Variants in ANKRD44 observed in about 807,000 individuals in gnomAD.
ANKRD44 encodes serine/threonine-protein phosphatase 6 regulatory ankyrin repeat subunit B.
In ANKRD44, 35 loss-of-function variants were observed where a neutral mutation model predicts 116.0. The observed-to-expected ratio is 0.30, with a 90% CI of 0.23 to 0.40. The LOEUF is 0.40. ANKRD44 is among the 10% of genes least tolerant of loss of function. The pLI is 1.00. For missense variants in ANKRD44, 1,014 were observed against 1,242.6 expected (o/e 0.82, Z 2.77); for synonymous variants, 435 against 461.8 (o/e 0.94, Z 0.74).
intron 4 of ANKRD44, among the ~76,000 whole-genome samples, chr2:197,126,481 C>T (rs1355590857): frequency 3.3e-5 from 5 of 152,208 alleles, no homozygotes; most frequent in South Asian, 2.1e-4. Context: ...GTGGTCAAGA[C>T]GGGAAGTAAC....
chr2:197,226,048 A>G (rs2081704331), intron 1 of ANKRD44, among the ~76,000 whole-genome samples: 1 of 152,232 alleles, frequency 6.6e-6, no homozygotes, highest in African/African-American at 2.4e-5. Context: ...TTACAAATCA[A>G]TGGCATAGCT....
In ANKRD44 at chr2:197,094,001, A is replaced by G. The variant is rs138974631; in HGVS notation, c.1101-3969T>C. ...ATTAGCTAGTTCTAATTTAGCTGTTAGTTGGCATCTCCTACCCAGTTATTT... is the reference window on the plus strand; with the variant it reads ...ATTAGCTAGTTCTAATTTAGCTGTTGGTTGGCATCTCCTACCCAGTTATTT... On this transcript the variant is annotated intron_variant, in intron 10 of 27. Coordinates refer to ENST00000282272, the MANE Select transcript of ANKRD44 (RefSeq NM_001195144.2). Among the ~76,000 whole-genome samples, 379 of 152,344 alleles carry G rather than the reference A, an allele frequency of 2.5e-3. 1 individual carries two copies. Among genetic ancestry groups the G allele is most frequent in the East Asian group, 0.016 (85 of 5,186 alleles).
chr2:196,980,159 T>C (rs369346426), intron 21 of ANKRD44, among the ~76,000 whole-genome samples: 87 of 152,356 alleles, frequency 5.7e-4, no homozygotes, highest in African/African-American at 1.3e-3. Context: ...AGCACCCAGA[T>C]GGCACCAACC....
chr2:197,044,408 C>A (rs2076964661), intron 16 of ANKRD44, among the ~76,000 whole-genome samples: 1 of 152,004 alleles, frequency 6.6e-6, no homozygotes, highest in African/African-American at 2.4e-5. Context: ...ATTCTGTTGC[C>A]CAGGCTGGAG....
At chr2:197,302,136 G>C (rs1226635133) in intron 1 of ANKRD44, 1 of 153,298 alleles carries the variant, frequency 6.5e-6, no homozygotes, top group Non-Finnish European at 1.5e-5. Flanking sequence ...AGTGGGGCTG[G>C]AGCCAAGGAG....
At chr2:196,995,211 T>C in intron 26 of ANKRD44, 168 bp downstream of exon 26, 1 of 394,842 alleles carries the variant, frequency 2.5e-6, no homozygotes. Context: ...CCCAGCTTGG[T>C]CAGCACTTGT....
At chr2:197,270,708 A>G (rs1372611989) in intron 1 of ANKRD44, among the ~76,000 whole-genome samples, 1 of 152,232 alleles carries the variant, frequency 6.6e-6, no homozygotes, top group Admixed American at 6.5e-5. Context: ...GGAGAGCTGG[A>G]GACGAGGAAG....
chr2:197,225,698 C>T (rs947567471), intron 1 of ANKRD44, among the ~76,000 whole-genome samples: 4 of 151,952 alleles, frequency 2.6e-5, no homozygotes, highest in African/African-American at 9.7e-5. Flanking sequence ...ATCTGATTCC[C>T]AAGGAAGAAT....
chr2:197,280,163 G>C (rs1358169369), intron 1 of ANKRD44, among the ~76,000 whole-genome samples: 1 of 152,208 alleles, frequency 6.6e-6, no homozygotes, highest in African/African-American at 2.4e-5. Context: ...ATCCTAAGAG[G>C]TGATTGCAAG....
At chr2:197,121,115 G>A (rs989550444) in intron 8 of ANKRD44, among the ~76,000 whole-genome samples, 5 of 151,964 alleles carry the variant, frequency 3.3e-5, no homozygotes, top group Non-Finnish European at 5.9e-5. Context: ...TTTTAGTAGA[G>A]ATGGTGTTTC....
chr2:197,016,698 A>G (rs2076398333), intron 17 of ANKRD44, among the ~76,000 whole-genome samples: 1 of 152,210 alleles, frequency 6.6e-6, no homozygotes, highest in Non-Finnish European at 1.5e-5. Context: ...TGAATTTAAT[A>G]GCATTAAGAT....
chr2:197,110,899 C>T, intron 8 of ANKRD44, 55 bp from the exon 9 acceptor site: 1 of 1,300,150 alleles, frequency 7.7e-7, no homozygotes, highest in Non-Finnish European at 1.1e-6. Context: ...GCCAGTGACA[C>T]CCATCTGAAA....
chr2:197,033,768 C>T (rs1265674881), intron 16 of ANKRD44, among the ~76,000 whole-genome samples: 1 of 150,946 alleles, frequency 6.6e-6, no homozygotes, highest in Non-Finnish European at 1.5e-5. Context: ...TAGTACTCAT[C>T]TTAGTTATGC....
At position 196,989,523 on chromosome 2, in the gene ANKRD44, C is replaced by CACACATAT; in HGVS notation, c.*67_*68insATATGTGT. ...GGCTGATGAACTACACACACACACA[C>CACACATAT]ATATATATATATATACACACGCACA... On this transcript the variant is annotated 3_prime_UTR_variant, in exon 28 of 28. Transcript: ENST00000282272. 1 of 1,327,750 alleles carries CACACATAT rather than the reference C, an allele frequency of 7.5e-7. No individual in the cohort carries two copies. The highest frequency in any genetic ancestry group is 1.0e-6 in the Non-Finnish European group (1 of 996,546). The allele number at this position is 1,327,750 out of a possible 1,614,324, so 82.2% of individuals were successfully genotyped here. A position where few individuals can be genotyped will look rare whatever the true frequency, so the allele number is the denominator to read the frequency against.
chr2:197,094,361 T>C (rs960745703), intron 10 of ANKRD44, among the ~76,000 whole-genome samples: 1 of 152,166 alleles, frequency 6.6e-6, no homozygotes, highest in East Asian at 1.9e-4. Context: ...TAAGGACCCA[T>C]TGAGATAATG....
intron 13 of ANKRD44, among the ~76,000 whole-genome samples, chr2:197,085,579 C>G (rs1304309331): frequency 6.6e-6 from 1 of 152,108 alleles, no homozygotes; most frequent in African/African-American, 2.4e-5. Flanking sequence ...CAGGAATGAC[C>G]TCTGGTCATC....
chr2:197,175,513 C>T (rs1017896172), intron 2 of ANKRD44, among the ~76,000 whole-genome samples: 5 of 152,154 alleles, frequency 3.3e-5, no homozygotes, highest in Non-Finnish European at 5.9e-5. Flanking sequence ...CACACAGTGT[C>T]GGTACCACTG....
At chr2:197,218,751 C>CTTTTTTTTTTTTTTTTTTTTTTTTTTTTT (rs138330364) in intron 1 of ANKRD44, among the ~76,000 whole-genome samples, 1 of 52,346 alleles carries the variant, frequency 1.9e-5, no homozygotes, top group Non-Finnish European at 3.5e-5. Flanking sequence ...GGTAAAGTCC[C>CTTTTTTTTTTTTTTTTTTTTTTTTTTTTT]TTTTTTTTTT....
intron 12 of ANKRD44, among the ~76,000 whole-genome samples, chr2:197,087,847 A>G (rs1574430926): frequency 1.3e-5 from 2 of 151,930 alleles, no homozygotes; most frequent in African/African-American, 4.8e-5. Flanking sequence ...AGGTAGGGGG[A>G]AGGGGTCTTT....
Sources: allele counts gnomAD v4.1 joint callset (sites outside exome capture counted in the v4.1 genomes callset), GRCh38; gene constraint gnomAD v4.1.1; transcripts MANE v1.5; gene names NCBI Gene and HGNC (gene_info 2026-07-23, HGNC 2026-07-21).